RNF212B: variants seen among roughly 807,000 people sequenced by gnomAD.
RNF212B encodes the protein ring finger protein 212B, also known as E3 ubiquitin-protein ligase RNF212B.
A neutral mutation model predicts 55.5 loss-of-function variants in RNF212B; 52 were observed. The observed-to-expected ratio is 0.94, with a 90% CI of 0.75 to 1.18. The LOEUF is 1.18. Among genes scored for constraint, RNF212B ranks in the 50% most tolerant of loss-of-function variants. The pLI is 0.00. For synonymous variants in RNF212B, 99 were observed against 121.4 expected (o/e 0.82, Z 1.21); for missense variants, 289 against 350.4 (o/e 0.82, Z 1.40).
At chr14:23,193,227 A>G (rs1878295272) in intron 1 of RNF212B, 1 of 152,182 alleles carries the variant, frequency 6.6e-6, no homozygotes, top group Non-Finnish European at 1.5e-5. Flanking sequence ...AACTCAGAAA[A>G]TTATACATAG....
intron 2 of RNF212B, among the ~76,000 whole-genome samples, chr14:23,232,774 G>A (rs148946584): frequency 0.16 from 22,108 of 137,796 alleles, 1,794 homozygotes; most frequent in Non-Finnish European, 0.19. Flanking sequence ...CGCCCCGTCT[G>A]GGAGGGAGGT....
chr14:23,227,719 C>A (rs562067182), intron 2 of RNF212B, among the ~76,000 whole-genome samples: 10 of 152,152 alleles, frequency 6.6e-5, no homozygotes, highest in South Asian at 4.2e-4. Context: ...CCCACCTCAA[C>A]CTCCTTAGTA....
At chr14:23,213,446 G>C (rs1159156886) in intron 2 of RNF212B, among the ~76,000 whole-genome samples, 1 of 152,148 alleles carries the variant, frequency 6.6e-6, no homozygotes, top group African/African-American at 2.4e-5. Flanking sequence ...TTGATCTATA[G>C]ATTCAATGCA....
intron 2 of RNF212B, among the ~76,000 whole-genome samples, chr14:23,194,745 A>C (rs1477517476): frequency 6.6e-6 from 1 of 151,488 alleles, no homozygotes; most frequent in South Asian, 2.1e-4. Flanking sequence ...AAAAAAAAAA[A>C]AAAAAAAAAA....
chr14:23,217,385 G>C (rs1424589660), intron 2 of RNF212B, among the ~76,000 whole-genome samples: 1 of 152,084 alleles, frequency 6.6e-6, no homozygotes, highest in East Asian at 1.9e-4. Flanking sequence ...TTCAATTCCT[G>C]GTTCCCAGAG....
intron 2 of RNF212B, among the ~76,000 whole-genome samples, chr14:23,208,999 C>A (rs529181313): frequency 6.6e-6 from 1 of 152,144 alleles, no homozygotes; most frequent in Non-Finnish European, 1.5e-5. Context: ...ACCTCGTGAT[C>A]CGCCCGCCTT....
At chr14:23,261,059 G>A (rs1056867145) in intron 7 of RNF212B, among the ~76,000 whole-genome samples, 4 of 152,204 alleles carry the variant, frequency 2.6e-5, no homozygotes, top group South Asian at 2.1e-4. Context: ...AACCTGACGC[G>A]TCTACCTTAC....
At chr14:23,220,125 A>G (rs1037336009) in intron 2 of RNF212B, among the ~76,000 whole-genome samples, 1 of 151,996 alleles carries the variant, frequency 6.6e-6, no homozygotes, top group Non-Finnish European at 1.5e-5. Flanking sequence ...CAGAGGTTGC[A>G]GTGAGCCTGG....
rs1028799319 is a variant in RNF212B at position 23,260,583 on chromosome 14, C to G, written c.406-76C>G. The G allele has an allele frequency of 4.3e-6, 6 of 1,393,550 alleles. No individual in the cohort carries two copies. In the African/African-American group the frequency reaches 8.6e-5, roughly 20 times the overall value. The allele number at this position is 1,393,550 out of a possible 1,614,324, so 86.3% of individuals were successfully genotyped here. ...TAAGGGGCACTGAGCTTAGTTATCT[C>G]GCAAGTAAGACTGAAGATCTGTTGA... On this transcript the variant is annotated intron_variant, in intron 6 of 14. Transcript: ENST00000430154.
chr14:23,186,508 C>G (rs535717509), intron 1 of RNF212B, among the ~76,000 whole-genome samples: 1 of 152,070 alleles, frequency 6.6e-6, no homozygotes, highest in African/African-American at 2.4e-5. Context: ...TGCCACCATG[C>G]CTGGCTAATT....
rs142932598 is a variant in RNF212B at position 23,211,919 on chromosome 14, G to C, written c.-2+18518G>C. Among the ~76,000 whole-genome samples the C allele has an allele frequency of 1.6e-3, 250 of 152,208 alleles. 2 individuals carry two copies. Among genetic ancestry groups the C allele is most frequent in the African/African-American group, 5.5e-3 (229 of 41,520 alleles). The stretch of plus-strand genomic sequence containing the variant: ...TTTGTACTATTTTTAGTAGAGACAG[G>C]GTTTTGCCATGTTGGCCAGGCTGGT... On this transcript the variant is annotated intron_variant, in intron 2 of 15. Transcript: ENST00000399910.
chr14:23,238,745 A>G lies in RNF212B; in HGVS notation c.-2+690A>G, dbSNP rs535518021. 3.9e-4 allele frequency among the ~76,000 whole-genome samples: 50 copies of G among 127,208 alleles called. 1 individual carries two copies. The highest frequency in any genetic ancestry group is 6.0e-4 in the Non-Finnish European group (36 of 60,434). The allele number at this position is 127,208 out of a possible 152,430, so 83.5% of individuals were successfully genotyped here. On this transcript the variant is annotated intron_variant, in intron 1 of 14. Transcript: ENST00000430154. Reference sequence around the variant, plus strand: ...AGCCAGACCCTGTCTCAAAATAATAATAATAATAATAATAATAATAATAAT... The same window carrying G: ...AGCCAGACCCTGTCTCAAAATAATAGTAATAATAATAATAATAATAATAAT...
At chr14:23,189,501 C>A (rs1877909203) in intron 1 of RNF212B, among the ~76,000 whole-genome samples, 1 of 152,102 alleles carries the variant, frequency 6.6e-6, no homozygotes. Flanking sequence ...GCTGTAATAA[C>A]TCCCATTGAA....
chr14:23,198,836 T>C (rs970893724), intron 2 of RNF212B, among the ~76,000 whole-genome samples: 2 of 152,182 alleles, frequency 1.3e-5, no homozygotes, highest in Middle Eastern at 3.2e-3. Context: ...GGGTTTTCAC[T>C]ATCAGAAAGA....
intron 1 of RNF212B, among the ~76,000 whole-genome samples, chr14:23,238,742 A>ATAG (rs1266942492): frequency 9.0e-6 from 1 of 110,940 alleles, no homozygotes; most frequent in Non-Finnish European, 1.9e-5. Context: ...TCTCAAAATA[A>ATAG]TAATAATAAT....
chr14:23,229,809 C>T (rs894013769), intron 2 of RNF212B, among the ~76,000 whole-genome samples: 1 of 152,116 alleles, frequency 6.6e-6, no homozygotes, highest in African/African-American at 2.4e-5. Context: ...ACCCAGACTA[C>T]TAGCGCACAG....
At chr14:23,242,173 A>G (rs1883649767) in intron 2 of RNF212B, among the ~76,000 whole-genome samples, 1 of 147,930 alleles carries the variant, frequency 6.8e-6, no homozygotes, top group South Asian at 2.2e-4. Context: ...AAGTAGCCTC[A>G]GGGGAAGGTT....
At chr14:23,239,988 A>T (rs1156983297) in intron 1 of RNF212B, among the ~76,000 whole-genome samples, 1 of 145,102 alleles carries the variant, frequency 6.9e-6, no homozygotes, top group East Asian at 2.0e-4. Context: ...AAAAAAGTAA[A>T]GGAAAACACA....
chr14:23,248,447 T>TC (rs1884158213), intron 4 of RNF212B, among the ~76,000 whole-genome samples: 3 of 146,344 alleles, frequency 2.0e-5, no homozygotes, highest in African/African-American at 7.6e-5. Flanking sequence ...CCTCTTTTTT[T>TC]TTTTTTTTTT....
Sources: gnomAD v4.1 joint callset for allele counts (sites outside exome capture counted in the v4.1 genomes callset) on GRCh38, gnomAD v4.1.1 for gene constraint, MANE v1.5 for transcripts, NCBI Gene and HGNC (gene_info 2026-07-23, HGNC 2026-07-21) for gene names.